PDE10A: variants seen among roughly 807,000 people sequenced by gnomAD.
PDE10A encodes the protein phosphodiesterase 10A.
PDE10A carries 39 observed loss-of-function variants against 97.7 expected under a neutral mutation model. The observed-to-expected ratio is 0.40, with a 90% CI of 0.31 to 0.52. PDE10A has a LOEUF of 0.52. PDE10A is among the 20% of genes least tolerant of loss of function. The pLI, the probability that PDE10A is intolerant of heterozygous loss-of-function variation, is 0.56. For synonymous variants in PDE10A, 371 were observed against 376.8 expected (o/e 0.98, Z 0.18); for missense variants, 731 against 1,047.8 (o/e 0.70, Z 4.17).
At chr6:165,475,358 G>A (rs1462389688) in intron 3 of PDE10A, among the ~76,000 whole-genome samples, 1 of 152,100 alleles carries the variant, frequency 6.6e-6, no homozygotes, top group African/African-American at 2.4e-5. Context: ...GGAAAAATAA[G>A]TATTTTAAAG....
intron 1 of PDE10A, among the ~76,000 whole-genome samples, chr6:165,702,362 C>A (rs1306199019): frequency 6.6e-6 from 1 of 152,238 alleles, no homozygotes; most frequent in African/African-American, 2.4e-5. Context: ...GTGCTGACAT[C>A]AATGGGCTTC....
chr6:165,582,797 G>C (rs1785691248), intron 1 of PDE10A, among the ~76,000 whole-genome samples: 1 of 151,796 alleles, frequency 6.6e-6, no homozygotes, highest in Non-Finnish European at 1.5e-5. Context: ...TTACTTAGTT[G>C]TCCTTTTCAA....
chr6:165,586,690 G>A (rs1028396732), intron 1 of PDE10A, among the ~76,000 whole-genome samples: 7 of 151,992 alleles, frequency 4.6e-5, no homozygotes, highest in South Asian at 2.1e-4. Flanking sequence ...CACAAGTAAC[G>A]TCTAGAAGCC....
At chr6:165,571,411 G>GCA (rs1334508719) in intron 1 of PDE10A, among the ~76,000 whole-genome samples, 6 of 152,136 alleles carry the variant, frequency 3.9e-5, no homozygotes, top group African/African-American at 1.4e-4. Flanking sequence ...CACCACTTAG[G>GCA]CATCATCAAT....
chr6:165,918,262 T>C (rs1308238601), intron 1 of PDE10A, among the ~76,000 whole-genome samples: 1 of 152,216 alleles, frequency 6.6e-6, no homozygotes, highest in East Asian at 1.9e-4. Context: ...TGAATTTTCA[T>C]ATGTGCCCTC....
chr6:165,402,045 G>A (rs963536268), intron 13 of PDE10A, among the ~76,000 whole-genome samples: 1 of 152,084 alleles, frequency 6.6e-6, no homozygotes, highest in Non-Finnish European at 1.5e-5. Context: ...ACTATACTAG[G>A]CAGTAAACTA....
Position 165,801,851 on chromosome 6 carries a change from G to A in PDE10A, c.-615+185678C>T, listed in dbSNP as rs148504195. Among the ~76,000 whole-genome samples, 165 of 152,278 alleles carry A rather than the reference G, an allele frequency of 1.1e-3. 1 individual carries two copies. Among genetic ancestry groups the A allele is most frequent in the African/African-American group, 3.9e-3 (160 of 41,550 alleles). The stretch of plus-strand genomic sequence containing the variant: ...GAGAAAGAGGTTGTTGGTTCCAGCA[G>A]CCTACCAATGACTGCATGAAATAAG... On this transcript the variant is annotated intron_variant, in intron 1 of 19. Coordinates refer to the PDE10A transcript ENST00000366882.
At chr6:165,822,243 C>T (rs929959822) in intron 1 of PDE10A, among the ~76,000 whole-genome samples, 1 of 151,914 alleles carries the variant, frequency 6.6e-6, no homozygotes, top group African/African-American at 2.4e-5. Flanking sequence ...TGGCACAGCC[C>T]ACCACACACC....
intron 1 of PDE10A, among the ~76,000 whole-genome samples, chr6:165,932,328 T>A (rs1783163552): frequency 6.6e-6 from 1 of 151,296 alleles, no homozygotes; most frequent in Admixed American, 6.6e-5. Flanking sequence ...GTTTTTGACA[T>A]GTGAGAGCTA....
At chr6:165,431,383 C>T (rs373486229) in intron 8 of PDE10A, 39 bp downstream of exon 8, 37 of 1,476,508 alleles carry the variant, frequency 2.5e-5, no homozygotes, top group Non-Finnish European at 3.4e-5. Flanking sequence ...AACCTCTTCT[C>T]CCTTAGGAAG....
At chr6:165,432,575 T>C (rs924745647) in intron 7 of PDE10A, among the ~76,000 whole-genome samples, 4 of 152,204 alleles carry the variant, frequency 2.6e-5, no homozygotes, top group African/African-American at 7.2e-5. Flanking sequence ...ATTGAGTGAA[T>C]AGTGAATGGA....
intron 1 of PDE10A, among the ~76,000 whole-genome samples, chr6:165,585,418 T>C (rs563811650): frequency 2.0e-5 from 3 of 152,162 alleles, no homozygotes; most frequent in African/African-American, 7.2e-5. Context: ...GCAGTCACAG[T>C]CCATTGACTT....
chr6:165,475,339 G>T lies in PDE10A; in HGVS notation c.1023+6976C>A, dbSNP rs183493146. On this transcript the variant is annotated intron_variant, in intron 3 of 21. Transcript: ENST00000539869. ...TTTTATAAATATGAAGAAAACACTG[G>T]CTACACCAGGAAAAATAAGTATTTT... Among the ~76,000 whole-genome samples, 365 of 151,914 alleles carry T rather than the reference G, an allele frequency of 2.4e-3. 2 individuals are homozygous for T. Among genetic ancestry groups the T allele is most frequent in the Middle Eastern group, 6.8e-3 (2 of 294 alleles).
intron 1 of PDE10A, among the ~76,000 whole-genome samples, chr6:165,787,126 T>C (rs898064002): frequency 2.0e-5 from 3 of 152,060 alleles, no homozygotes; most frequent in Non-Finnish European, 4.4e-5. Flanking sequence ...AGCTCTCTCT[T>C]AAAGAAGCGA....
chr6:165,817,478 A>G (rs890184243), intron 1 of PDE10A, among the ~76,000 whole-genome samples: 33 of 152,142 alleles, frequency 2.2e-4, no homozygotes, highest in African/African-American at 8.0e-4. Flanking sequence ...ATAAGCTGAG[A>G]GAATGCTGAG....
chr6:165,788,938 G>A (rs1378062726), intron 1 of PDE10A, among the ~76,000 whole-genome samples: 1 of 152,124 alleles, frequency 6.6e-6, no homozygotes, highest in Non-Finnish European at 1.5e-5. Flanking sequence ...ATCCCCAGGA[G>A]AGGAGGCTGG....
intron 1 of PDE10A, among the ~76,000 whole-genome samples, chr6:165,696,942 G>C (rs1053254454): frequency 1.3e-5 from 2 of 152,144 alleles, no homozygotes; most frequent in African/African-American, 4.8e-5. Context: ...ATATGAACTG[G>C]CAGAGGAAAG....
At chr6:165,646,581 A>G (rs1789407626) in intron 1 of PDE10A, among the ~76,000 whole-genome samples, 1 of 152,216 alleles carries the variant, frequency 6.6e-6, no homozygotes, top group African/African-American at 2.4e-5. Flanking sequence ...TTCATTCAGC[A>G]CGCGCTCAGT....
At chr6:165,719,197 G>A (rs920980386) in intron 1 of PDE10A, among the ~76,000 whole-genome samples, 3 of 152,130 alleles carry the variant, frequency 2.0e-5, no homozygotes, top group Non-Finnish European at 4.4e-5. Flanking sequence ...TATTAAAGAA[G>A]TAACACAGGA....
Sources: gnomAD v4.1 joint callset for allele counts (sites outside exome capture counted in the v4.1 genomes callset) on GRCh38, gnomAD v4.1.1 for gene constraint, MANE v1.5 for transcripts, NCBI Gene and HGNC (gene_info 2026-07-23, HGNC 2026-07-21) for gene names.